The following ADAM10 variants were observed in gnomAD, a reference collection of about 807,000 sequenced individuals.
ADAM10 encodes disintegrin and metalloproteinase domain-containing protein 10.
Under a neutral mutation model 90.1 loss-of-function variants are expected in ADAM10, and 17 were observed. That is an observed-to-expected ratio of 0.19 (90% CI 0.13 to 0.28). ADAM10 has a LOEUF of 0.28. ADAM10 is among the 10% of genes least tolerant of loss of function. The pLI is 1.00. For missense variants in ADAM10, 610 were observed against 914.3 expected, an observed-to-expected ratio of 0.67 and a Z score of 4.29; for synonymous variants, 310 against 298.6, an observed-to-expected ratio of 1.04 and a Z score of -0.40.
At chr15:58,652,403 G>A (rs1362309550) in intron 5 of ADAM10, among the ~76,000 whole-genome samples, 1 of 152,072 alleles carries the variant, frequency 6.6e-6, no homozygotes, top group African/African-American at 2.4e-5. Flanking sequence ...AATTCATTTT[G>A]ATTTGATTTT....
intron 3 of ADAM10, among the ~76,000 whole-genome samples, chr15:58,680,886 A>G (rs545818293): frequency 1.3e-5 from 2 of 152,222 alleles, no homozygotes; most frequent in South Asian, 2.1e-4. Flanking sequence ...TGGCACAATC[A>G]TAACTCACTG....
chr15:58,599,694 T>C lies in ADAM10; in HGVS notation c.2056A>G (p.Ile686Val), dbSNP rs1181056445. The C allele has an allele frequency of 6.8e-6, 11 of 1,613,240 alleles. No homozygotes were observed. The highest frequency in any genetic ancestry group is 8.5e-6 in the Non-Finnish European group (10 of 1,179,726). ...AHWWAVLLMG[I>V]ALIMLMAGFI... ...CCAGCCATTAGCATGATCAGAGCAA[T>C]TCCCATAAGTAATACTGCCCACCAA... is the stretch of plus-strand genomic sequence containing the variant. The change falls in exon 15 of 16, where the codon ATT becomes GTT. Residue 686 changes from isoleucine to valine, a missense_variant. Ile to Val is a conservative substitution (Grantham distance 29). Transcript: ENST00000260408.
chr15:58,733,372 TG>T (rs1259667258), intron 1 of ADAM10, among the ~76,000 whole-genome samples: 3 of 152,142 alleles, frequency 2.0e-5, no homozygotes, highest in African/African-American at 7.2e-5. Context: ...CCAAAAGACC[TG>T]GGTTGGGGTC....
chr15:58,705,683 T>G (rs1430460862), intron 2 of ADAM10, among the ~76,000 whole-genome samples: 1 of 152,208 alleles, frequency 6.6e-6, no homozygotes, highest in East Asian at 1.9e-4. Context: ...TTCAGGAAGG[T>G]TATGTACCTC....
At chr15:58,619,613 A>C (rs981909510) in intron 11 of ADAM10, among the ~76,000 whole-genome samples, 4 of 152,148 alleles carry the variant, frequency 2.6e-5, no homozygotes, top group Non-Finnish European at 4.4e-5. Flanking sequence ...TCAATTAAAA[A>C]TGGAATAGGG....
At chr15:58,727,527 T>C (rs564496107) in intron 1 of ADAM10, among the ~76,000 whole-genome samples, 25 of 152,254 alleles carry the variant, frequency 1.6e-4, no homozygotes, top group African/African-American at 5.8e-4. Flanking sequence ...AAATGGGGAC[T>C]CGCTATGTTG....
chr15:58,684,164 C>T (rs1897524672), intron 2 of ADAM10, among the ~76,000 whole-genome samples: 1 of 152,116 alleles, frequency 6.6e-6, no homozygotes, highest in Admixed American at 6.5e-5. Flanking sequence ...TGTACATGTT[C>T]AGTACAGATG....
At chr15:58,668,270 T>A (rs916436186) in intron 4 of ADAM10, among the ~76,000 whole-genome samples, 1 of 152,186 alleles carries the variant, frequency 6.6e-6, no homozygotes, top group Non-Finnish European at 1.5e-5. Context: ...AAAAAATGTT[T>A]ATTAACAAAT....
intron 2 of ADAM10, among the ~76,000 whole-genome samples, chr15:58,705,885 T>G (rs1898271703): frequency 6.6e-6 from 1 of 152,166 alleles, no homozygotes; most frequent in East Asian, 1.9e-4. Flanking sequence ...ATTGTTCTCT[T>G]TTGTTATTTG....
At chr15:58,611,351 A>G (rs1895432595) in intron 12 of ADAM10, 1 of 489,896 alleles carries the variant, frequency 2.0e-6, no homozygotes, top group Non-Finnish European at 3.6e-6. Flanking sequence ...AAAATGAAAT[A>G]AAAGCAGAGC....
intron 5 of ADAM10, among the ~76,000 whole-genome samples, chr15:58,654,087 G>A (rs1475867449): frequency 1.3e-5 from 2 of 151,184 alleles, no homozygotes; most frequent in East Asian, 3.9e-4. Flanking sequence ...TATTTATTTA[G>A]GTCTTTTTTT....
intron 2 of ADAM10, among the ~76,000 whole-genome samples, chr15:58,708,528 T>C (rs1416280694): frequency 6.6e-6 from 1 of 152,122 alleles, no homozygotes; most frequent in Non-Finnish European, 1.5e-5. Context: ...CCGAGCATAA[T>C]GGCACACATC....
chr15:58,631,792 C>A (rs753669080), intron 9 of ADAM10, among the ~76,000 whole-genome samples: 4 of 152,144 alleles, frequency 2.6e-5, no homozygotes, highest in Non-Finnish European at 5.9e-5. Flanking sequence ...CTGCTCATCT[C>A]TAAAATTCCA....
chr15:58,673,866 C>T (rs1446222882), intron 4 of ADAM10, among the ~76,000 whole-genome samples: 2 of 152,018 alleles, frequency 1.3e-5, no homozygotes, highest in Non-Finnish European at 2.9e-5. Context: ...TCTCGAGTAG[C>T]TGGGACTACA....
intron 2 of ADAM10, among the ~76,000 whole-genome samples, chr15:58,713,022 C>T (rs954900982): frequency 6.6e-6 from 1 of 152,134 alleles, no homozygotes; most frequent in African/African-American, 2.4e-5. Flanking sequence ...GAACAATTAC[C>T]GATGAGGATG....
intron 4 of ADAM10, 120 bp from the exon 5 acceptor site, chr15:58,665,317 G>A (rs1897054231): frequency 1.2e-6 from 1 of 825,976 alleles, no homozygotes; most frequent in Admixed American, 1.9e-5. Context: ...TGCTTATTAA[G>A]CACCTATGGA....
At chr15:58,653,466 T>G (rs1345325861) in intron 5 of ADAM10, among the ~76,000 whole-genome samples, 1 of 152,198 alleles carries the variant, frequency 6.6e-6, no homozygotes, top group Non-Finnish European at 1.5e-5. Flanking sequence ...CAGCATCAAT[T>G]GAAATTATCG....
At chr15:58,635,542 A>G (rs760890844) in intron 8 of ADAM10, among the ~76,000 whole-genome samples, 1 of 152,138 alleles carries the variant, frequency 6.6e-6, no homozygotes, top group Non-Finnish European at 1.5e-5. Context: ...AGAATTTAAT[A>G]TATTTTCTTC....
At position 58,689,356 on chromosome 15, in the gene ADAM10, T is replaced by C. The variant is rs1897709250; in HGVS notation, c.207-7042A>G. Among the ~76,000 whole-genome samples, 3 of 152,086 alleles carry C rather than the reference T, an allele frequency of 2.0e-5. No individual in the cohort carries two copies. In the South Asian group the frequency reaches 6.2e-4, roughly 32 times the overall value. ...AAAAAATTAGCCGGGCATGGTGGTG[T>C]GCATCTGTAGTCCCAGCTACTCAGT... On this transcript the variant is annotated intron_variant, in intron 2 of 15. Coordinates refer to ENST00000260408, the MANE Select transcript of ADAM10 (RefSeq NM_001110.4).
Sources: gnomAD v4.1 joint callset for allele counts (sites outside exome capture counted in the v4.1 genomes callset) on GRCh38, gnomAD v4.1.1 for gene constraint, MANE v1.5 for transcripts, NCBI Gene and HGNC (gene_info 2026-07-23, HGNC 2026-07-21) for gene names.